Variants in ACVRL1 observed in about 807,000 individuals in gnomAD.
ACVRL1 encodes the protein activin receptor type-1-like.
ACVRL1 carries 20 observed loss-of-function variants against 51.9 expected under a neutral mutation model. That is an observed-to-expected ratio of 0.39 (90% confidence interval 0.27 to 0.56). The LOEUF (loss-of-function observed/expected upper bound fraction) is 0.56. Among genes scored for constraint, ACVRL1 ranks in the 20% least tolerant of loss-of-function variants. The probability of loss-of-function intolerance (pLI) is 0.67; values close to 1 mark genes in which losing one functional copy is unlikely to be tolerated. For synonymous variants in ACVRL1, 288 were observed against 280.9 expected, an observed-to-expected ratio of 1.03 and a Z score of -0.25; for missense variants, 451 against 670.3, an observed-to-expected ratio of 0.67 and a Z score of 3.61.
At chr12:51,911,526 C>G (rs1487377062) in intron 1 of ACVRL1, among the ~76,000 whole-genome samples, 1 of 152,188 alleles carries the variant, frequency 6.6e-6, no homozygotes, top group African/African-American at 2.4e-5. Context: ...TTTCTCTACA[C>G]CTGGCATGAC....
chr12:51,907,782 C>T lies in ACVRL1; in HGVS notation c.-6+87C>T, dbSNP rs1259966929. On this transcript the variant is annotated intron_variant, in intron 1 of 9. Transcript: ENST00000388922. The surrounding 1 kb of genome is among the most constrained non-coding windows in gnomAD (Gnocchi z 4.5). ...CCTTCCTTCGGGCGGACCCCAGAGT[C>T]ACCGCAGAGTGGTCGCGGGAGGCTC... The T allele has an allele frequency of 6.6e-6, 1 of 152,308 alleles. No individual in the cohort carries two copies. The highest frequency in any genetic ancestry group is 1.5e-5 in the Non-Finnish European group (1 of 68,094). 9.4% of individuals were successfully genotyped at this position (152,308 alleles called of 1,614,324 possible). A position where few individuals can be genotyped will look rare whatever the true frequency, so the allele number is the denominator to read the frequency against.
intron 2 of ACVRL1, 29 bp downstream of exon 2, chr12:51,912,564 A>G: frequency 6.4e-7 from 1 of 1,565,318 alleles, no homozygotes; most frequent in East Asian, 2.2e-5. Flanking sequence ...GTTAGGAAAC[A>G]GGAACCTGGA....
At chr12:51,907,162 C>T (rs1940609590), upstream of ACVRL1, among the ~76,000 whole-genome samples, 1 of 152,230 alleles carries the variant, frequency 6.6e-6, no homozygotes, top group East Asian at 1.9e-4. The surrounding 1 kb of genome is among the most constrained non-coding windows in gnomAD (Gnocchi z 4.5). Flanking sequence ...TCGGCTCTGT[C>T]TCCCACGGCT....
chr12:51,917,326 A>G lies in ACVRL1; in HGVS notation c.1246+1093A>G, dbSNP rs1481753779. 6.6e-6 allele frequency among the ~76,000 whole-genome samples: 1 copy of G among 152,130 alleles called. No homozygotes were observed. The highest frequency in any genetic ancestry group is 2.4e-5 in the African/African-American group (1 of 41,426). Reference sequence around the variant, plus strand: ...GCCTGCTTATTGCTGCCTGGTTGTTACTGTGGGTTGCCACAGGGGACTCTG... The same window carrying G: ...GCCTGCTTATTGCTGCCTGGTTGTTGCTGTGGGTTGCCACAGGGGACTCTG... On this transcript the variant is annotated intron_variant, in intron 8 of 9. Transcript: ENST00000388922. This position sits in a 1 kb window ranked among gnomAD's most constrained non-coding sequence, Gnocchi z 4.2.
Position 51,913,993 on chromosome 12 carries a change from G to A in ACVRL1, c.545G>A (p.Cys182Tyr). ...CCCCAGGACCTCCTGGACAGTGACT[G>A]CACCACAGGGAGTGGCTCAGGGCTC... The part of the protein sequence containing the change: ...SMLGDLLDSD[C>Y]TTGSGSGLPF... Residue 182 changes from cysteine (C) to tyrosine (Y), a missense_variant, in exon 5 of 10, where the codon TGC (cysteine) becomes TAC (tyrosine). Transcript: ENST00000388922. 6.2e-7 allele frequency: 1 copy of A among 1,613,690 alleles called. No homozygotes were observed. The highest frequency in any genetic ancestry group is 1.1e-5 in the South Asian group (1 of 91,026).
intron 8 of ACVRL1, among the ~76,000 whole-genome samples, chr12:51,918,232 C>A (rs1482213720): frequency 1.3e-5 from 2 of 152,228 alleles, no homozygotes; most frequent in African/African-American, 2.4e-5. Flanking sequence ...CCATCCCTGA[C>A]ACTGGGTGAT....
chr12:51,915,566 T>C, intron 7 of ACVRL1, 66 bp downstream of exon 7: 1 of 1,545,786 alleles, frequency 6.5e-7, no homozygotes, highest in South Asian at 1.2e-5. Flanking sequence ...CTCCTCTCCT[T>C]TGCCTGTGGG....
rs61734312 is a variant in ACVRL1 at position 51,919,115 on chromosome 12, G to C, written c.1377G>C (p.Pro459=). The C allele has an allele frequency of 1.2e-6, 2 of 1,614,122 alleles. No individual in the cohort carries two copies. Residue 459 remains proline, a splice_region_variant and synonymous_variant, in exon 9 of 10, where the codon CCG becomes CCC. Transcript: ENST00000388922. The stretch of plus-strand genomic sequence containing the variant: ...TCCCTAACCGGCTGGCTGCAGACCC[G>C]GTGAGGCCTCTGCTGGGACTAGGAT... ...PTIPNRLAAD[P]VLSGLAQMMR...
rs550780093 is a variant in ACVRL1, at chr12:51,922,535, A to C, written c.*1642A>C. On this transcript the variant is annotated 3_prime_UTR_variant, in exon 10 of 10. Transcript: ENST00000388922. ...GAATTCAATGGCTCTAGAGAGACAC[A>C]CAGAAAGTTTGGCATTTGGAAATTT... The C allele has an allele frequency of 6.6e-6, 1 of 152,452 alleles. No homozygotes were observed. Among genetic ancestry groups the C allele is most frequent in the African/African-American group, 2.4e-5 (1 of 41,578 alleles). 9.4% of individuals were successfully genotyped at this position (152,452 alleles called of 1,614,324 possible).
At chr12:51,909,403 A>G (rs1940650071) in intron 1 of ACVRL1, among the ~76,000 whole-genome samples, 1 of 152,108 alleles carries the variant, frequency 6.6e-6, no homozygotes, top group African/African-American at 2.4e-5. Context: ...CTGAGGTGGG[A>G]GGATCACTTG....
intron 1 of ACVRL1, among the ~76,000 whole-genome samples, chr12:51,909,798 A>C (rs1336772509): frequency 6.6e-6 from 1 of 152,222 alleles, no homozygotes; most frequent in African/African-American, 2.4e-5. Flanking sequence ...TAAACCATTC[A>C]AGTTCAGTAC....
chr12:51,914,259 G>A lies in ACVRL1; in HGVS notation c.626-180G>A, dbSNP rs534850909. On this transcript the variant is annotated intron_variant, in intron 5 of 9. Coordinates refer to ENST00000388922, the MANE Select transcript of ACVRL1 (RefSeq NM_000020.3). ...TTCTTCTTTCTGCAGGACCGGGGTG[G>A]AACGAGAGGCAGCTGGGGGTGGCCT... 6.6e-5 allele frequency among the ~76,000 whole-genome samples: 10 copies of A among 152,258 alleles called. No individual in the cohort carries two copies. In the South Asian group the frequency reaches 2.1e-3, roughly 32 times the overall value.
intron 5 of ACVRL1, 61 bp from the exon 6 acceptor site, chr12:51,914,378 G>A (rs1940777851): frequency 1.2e-6 from 2 of 1,610,388 alleles, no homozygotes; most frequent in Middle Eastern, 3.7e-4. Context: ...TCAAGATGGG[G>A]GGCTCTTCCA....
In ACVRL1 at chr12:51,921,931, C is replaced by T. The variant is rs1940990662; in HGVS notation, c.*1038C>T. ...ATATTTAGTAGAAACAGGGTTTCAC[C>T]ATGCTGGCCATGCTGGTCTCGAACT... On this transcript the variant is annotated 3_prime_UTR_variant, in exon 10 of 10. Coordinates refer to ENST00000388922, the MANE Select transcript of ACVRL1 (RefSeq NM_000020.3). The T allele has an allele frequency of 6.6e-6, 1 of 152,100 alleles. No individual in the cohort carries two copies. The highest frequency in any genetic ancestry group is 1.5e-5 in the Non-Finnish European group (1 of 68,008). 9.4% of individuals were successfully genotyped at this position (152,100 alleles called of 1,614,324 possible).
At chr12:51,915,673 C>T in intron 7 of ACVRL1, 173 bp downstream of exon 7, 1 of 924,410 alleles carries the variant, frequency 1.1e-6, no homozygotes, top group Non-Finnish European at 1.6e-6. Flanking sequence ...CTTTTCAAAC[C>T]CAGATTCCTT....
rs141429164 is a variant in ACVRL1 at position 51,913,331 on chromosome 12, C to T, written c.294C>T (p.Asn98=). The T allele has an allele frequency of 3.5e-5, 57 of 1,612,426 alleles. No individual in the cohort carries two copies. Among genetic ancestry groups the T allele is most frequent in the African/African-American group, 2.5e-4 (19 of 75,014 alleles). ...GCGACAGCCACCTCTGCAACCACAA[C>T]GTGTCCCTGGTGCTGGAGGGTACGT... The part of the protein sequence containing the change: ...YCCDSHLCNH[N]VSLVLEATQP... The change falls in exon 3 of 10, where the codon AAC becomes AAT. Residue 98 remains asparagine (N), a synonymous_variant. Transcript: ENST00000388922.
At position 51,921,038 on chromosome 12, in the gene ACVRL1, C is replaced by T; in HGVS notation, c.*145C>T. On this transcript the variant is annotated 3_prime_UTR_variant, in exon 10 of 10. Coordinates refer to ENST00000388922, the MANE Select transcript of ACVRL1 (RefSeq NM_000020.3). ...GCCTGCCTGCTCGGCCCCCAGCCCA[C>T]CCAGCCAAAAATACAGCTGGGCTGA... is the stretch of plus-strand genomic sequence containing the variant. 9.8e-7 allele frequency: 1 copy of T among 1,019,136 alleles called. No homozygotes were observed. Among genetic ancestry groups the T allele is most frequent in the Non-Finnish European group, 1.5e-6 (1 of 685,880 alleles). 63.1% of individuals were successfully genotyped at this position (1,019,136 alleles called of 1,614,324 possible). A position where few individuals can be genotyped will look rare whatever the true frequency, so the allele number is the denominator to read the frequency against.
intron 8 of ACVRL1, 146 bp downstream of exon 8, chr12:51,916,379 C>G (rs1940842911): frequency 2.5e-6 from 2 of 791,488 alleles, no homozygotes; most frequent in African/African-American, 3.5e-5. Context: ...GCTGGTTCAG[C>G]TGAGTGACCT....
rs1941006021 is a variant in ACVRL1, at chr12:51,922,468, AG to A, written c.*1577del. On this transcript the variant is annotated 3_prime_UTR_variant, in exon 10 of 10. Transcript: ENST00000388922. Reference sequence around the variant, plus strand: ...CAGCTCCCCTACTGGCCCCTGGCTCAGGCCCACACCCCTGGCCAGGCCCAGA... The same window carrying A: ...CAGCTCCCCTACTGGCCCCTGGCTCAGCCCACACCCCTGGCCAGGCCCAGA... The A allele has an allele frequency of 6.6e-6, 1 of 152,260 alleles. No homozygotes were observed. Among genetic ancestry groups the A allele is most frequent in the African/African-American group, 2.4e-5 (1 of 41,452 alleles). The allele number at this position is 152,260 out of a possible 1,614,324, so 9.4% of individuals were successfully genotyped here. A position where few individuals can be genotyped will look rare whatever the true frequency, so the allele number is the denominator to read the frequency against.
Sources: gnomAD v4.1 joint callset for allele counts (sites outside exome capture counted in the v4.1 genomes callset) on GRCh38, gnomAD v4.1.1 for gene constraint, Gnocchi (gnomAD v3.1) non-coding constraint, MANE v1.5 for transcripts, NCBI Gene and HGNC (gene_info 2026-07-23, HGNC 2026-07-21) for gene names.